Variants in LINGO2 observed in about 807,000 individuals in gnomAD.
The protein encoded by LINGO2 is leucine rich repeat and Ig domain containing 2.
A neutral mutation model predicts 30.6 loss-of-function variants in LINGO2; 14 were observed. The ratio of observed to expected loss-of-function variants is 0.46; its 90% confidence interval spans 0.30 to 0.72. The LOEUF (loss-of-function observed/expected upper bound fraction) is 0.72, where lower values mean the gene tolerates loss of function less well. LINGO2 is among the 30% of genes least tolerant of loss of function. The probability of loss-of-function intolerance (pLI) is 0.07; values close to 1 mark genes in which losing one functional copy is unlikely to be tolerated. For missense variants in LINGO2, 729 were observed against 751.7 expected (o/e 0.97, Z 0.35); for synonymous variants, 317 against 288.5 (o/e 1.10, Z -1.00).
chr9:29,137,229 T>G, the LINGO2 span, among the ~76,000 whole-genome samples: 6 of 152,274 alleles, frequency 3.9e-5, no homozygotes, highest in Admixed American at 2.6e-4. Flanking sequence ...TGACTTTAAG[T>G]AGGGACTTTT....
chr9:28,362,760 C>A (rs183775490), intron 3 of LINGO2, among the ~76,000 whole-genome samples: 1 of 152,036 alleles, frequency 6.6e-6, no homozygotes, highest in Non-Finnish European at 1.5e-5. Flanking sequence ...TGAGCCACCA[C>A]GCCCGACCCA....
the LINGO2 span, among the ~76,000 whole-genome samples, chr9:29,193,269 C>A: frequency 6.6e-6 from 1 of 152,282 alleles, no homozygotes; most frequent in African/African-American, 2.4e-5. Flanking sequence ...TTCCTTTAGG[C>A]TCTCTGAGTC....
Position 28,350,886 on chromosome 9 carries a change from C to A in LINGO2, c.-246+21950G>T, listed in dbSNP as rs1819846401. ...AAATACATGGAAACTGAACAACCTG[C>A]TCCTGAATGACTACTGGGTACATAA... On this transcript the variant is annotated intron_variant, in intron 3 of 5. Coordinates refer to ENST00000379992, the Ensembl canonical transcript of LINGO2. Among the ~76,000 whole-genome samples, 13 of 152,084 alleles carry A rather than the reference C, an allele frequency of 8.5e-5. No individual in the cohort carries two copies. The South Asian group carries it at 2.7e-3, about 32-fold the overall frequency.
chr9:28,577,708 C>G lies in LINGO2; in HGVS notation c.-365+92492G>C, dbSNP rs140273744. Among the ~76,000 whole-genome samples the G allele has an allele frequency of 3.4e-3, 515 of 152,254 alleles. 7 individuals are homozygous for G. The highest frequency in any genetic ancestry group is 0.012 in the African/African-American group (499 of 41,556). Reference sequence around the variant, plus strand: ...TTAGAAGATCTTGCACACAGATAAACAGCAAAATTTCAAGTCAAGATAAAA... The same window carrying G: ...TTAGAAGATCTTGCACACAGATAAAGAGCAAAATTTCAAGTCAAGATAAAA... On this transcript the variant is annotated intron_variant, in intron 1 of 5. Coordinates refer to ENST00000379992, the Ensembl canonical transcript of LINGO2.
the LINGO2 span, among the ~76,000 whole-genome samples, chr9:28,758,062 C>T: frequency 6.4e-4 from 97 of 152,118 alleles, 2 homozygotes; most frequent in African/African-American, 2.3e-3. Flanking sequence ...GATAAGAGTG[C>T]TTAGAAGCAT....
At chr9:28,992,477 T>C in the LINGO2 span, among the ~76,000 whole-genome samples, 6 of 151,152 alleles carry the variant, frequency 4.0e-5, no homozygotes, top group Admixed American at 2.0e-4. Flanking sequence ...TTAACAAGGA[T>C]ACCCAGGAAT....
At chr9:29,018,031 T>TAC in the LINGO2 span, among the ~76,000 whole-genome samples, 1 of 96,848 alleles carries the variant, frequency 1.0e-5, no homozygotes, top group African/African-American at 3.5e-5. Context: ...TGCATATATA[T>TAC]ATATAGAGAG....
At chr9:28,767,960 A>C in the LINGO2 span, among the ~76,000 whole-genome samples, 2 of 152,128 alleles carry the variant, frequency 1.3e-5, no homozygotes, top group Admixed American at 1.3e-4. Flanking sequence ...GGCATAAAAT[A>C]TTTAGTTTCC....
intron 4 of LINGO2, among the ~76,000 whole-genome samples, chr9:28,109,807 A>C (rs1223782063): frequency 6.6e-6 from 1 of 152,130 alleles, no homozygotes; most frequent in Non-Finnish European, 1.5e-5. Flanking sequence ...TGTGAAAATG[A>C]CCATAATGCC....
At chr9:28,483,333 A>T (rs922199073) in intron 1 of LINGO2, among the ~76,000 whole-genome samples, 8 of 152,080 alleles carry the variant, frequency 5.3e-5, no homozygotes, top group African/African-American at 1.7e-4. Flanking sequence ...ATCAAACTAA[A>T]TGAGTTCCAG....
At chr9:29,210,818 C>T in the LINGO2 span, among the ~76,000 whole-genome samples, 1 of 152,120 alleles carries the variant, frequency 6.6e-6, no homozygotes, top group South Asian at 2.1e-4. Flanking sequence ...GGTGAAATAC[C>T]TGGCAGATCT....
At chr9:29,051,443 G>C in the LINGO2 span, among the ~76,000 whole-genome samples, 2 of 152,010 alleles carry the variant, frequency 1.3e-5, no homozygotes, top group Non-Finnish European at 1.5e-5. Flanking sequence ...TCTTTTCATG[G>C]CTTGATAATT....
intron 5 of LINGO2, among the ~76,000 whole-genome samples, chr9:27,966,971 G>A (rs150983668): frequency 1.4e-3 from 217 of 152,138 alleles, no homozygotes; most frequent in African/African-American, 5.1e-3. Flanking sequence ...CAATTTTATC[G>A]ATTGTTCCAT....
At chr9:28,043,858 T>TAA (rs1824301587) in intron 4 of LINGO2, among the ~76,000 whole-genome samples, 1 of 152,204 alleles carries the variant, frequency 6.6e-6, no homozygotes, top group Admixed American at 6.5e-5. Context: ...TAATTCCCTA[T>TAA]AATCAAGTAT....
intron 4 of LINGO2, among the ~76,000 whole-genome samples, chr9:28,119,222 C>T (rs896459903): frequency 1.2e-4 from 19 of 152,118 alleles, no homozygotes; most frequent in Admixed American, 3.3e-4. Flanking sequence ...ACCCAATAAC[C>T]TTGTGAGGGT....
At chr9:27,997,363 C>T (rs1353980652) in intron 5 of LINGO2, among the ~76,000 whole-genome samples, 1 of 152,070 alleles carries the variant, frequency 6.6e-6, no homozygotes, top group Non-Finnish European at 1.5e-5. Context: ...CGGTAAAATT[C>T]CCAGGTTATT....
At chr9:28,959,097 G>A in the LINGO2 span, among the ~76,000 whole-genome samples, 108,947 of 151,852 alleles carry the variant, frequency 0.72, 39,572 homozygotes, top group Non-Finnish European at 0.76. Flanking sequence ...CACCCTGCAT[G>A]TACTGCTCAT....
chr9:28,267,695 G>T lies in LINGO2; in HGVS notation c.-87+27513C>A, dbSNP rs145725156. Among the ~76,000 whole-genome samples the T allele has an allele frequency of 3.2e-3, 491 of 152,028 alleles. 3 individuals are homozygous for T. Among genetic ancestry groups the T allele is most frequent in the Non-Finnish European group, 5.5e-3 (371 of 67,950 alleles). On this transcript the variant is annotated intron_variant, in intron 4 of 5. Transcript: ENST00000379992. ...GTTTCCTCTTTTATGAACCCTTCAT[G>T]AACACCACAAATGGACTTTCTTCGT...
At chr9:27,976,455 A>G (rs983901770) in intron 5 of LINGO2, among the ~76,000 whole-genome samples, 2 of 152,096 alleles carry the variant, frequency 1.3e-5, no homozygotes, top group Non-Finnish European at 2.9e-5. Context: ...TGGATTAAGC[A>G]AACTGCTTAA....
Sources: allele counts gnomAD v4.1 joint callset (sites outside exome capture counted in the v4.1 genomes callset), GRCh38; gene constraint gnomAD v4.1.1; transcripts MANE v1.5; gene names NCBI Gene and HGNC (gene_info 2026-07-23, HGNC 2026-07-21).